RGS6: variants seen among roughly 807,000 people sequenced by gnomAD.
RGS6 encodes regulator of G protein signaling 6, also known as regulator of G-protein signaling 6.
RGS6 carries 30 observed loss-of-function variants against 78.5 expected under a neutral mutation model. That is an observed-to-expected ratio of 0.38 (90% confidence interval 0.29 to 0.52). The LOEUF (loss-of-function observed/expected upper bound fraction) is 0.52. RGS6 is among the 20% of genes least tolerant of loss of function. RGS6 has a pLI of 0.85. For missense variants in RGS6, 495 were observed against 609.7 expected, an observed-to-expected ratio of 0.81 and a Z score of 1.98; for synonymous variants, 206 against 206.0, an observed-to-expected ratio of 1.00 and a Z score of 0.00.
chr14:71,871,446 C>G, the RGS6 span, among the ~76,000 whole-genome samples: 16 of 152,302 alleles, frequency 1.1e-4, no homozygotes, highest in African/African-American at 2.6e-4. Context: ...AGGACCTTCT[C>G]TCCTCAGAAC....
chr14:72,387,759 C>T (rs756906466), intron 3 of RGS6, among the ~76,000 whole-genome samples: 7 of 152,142 alleles, frequency 4.6e-5, no homozygotes, highest in Admixed American at 6.5e-5. Flanking sequence ...CCAGCACTGC[C>T]GTAACAAGGT....
intron 3 of RGS6, among the ~76,000 whole-genome samples, chr14:72,418,590 TGAGCAGGC>T (rs750533751): frequency 7.9e-4 from 121 of 152,362 alleles, no homozygotes; most frequent in Non-Finnish European, 1.5e-3. Context: ...AGATACAGGC[TGAGCAGGC>T]CCAATGATGG....
chr14:72,348,995 T>C (rs2152723862), intron 2 of RGS6, among the ~76,000 whole-genome samples: 1 of 152,160 alleles, frequency 6.6e-6, no homozygotes, highest in East Asian at 1.9e-4. Flanking sequence ...TGAAACCCTG[T>C]CTCTACTAAA....
At chr14:72,322,736 A>C (rs1248744076) in intron 2 of RGS6, among the ~76,000 whole-genome samples, 1 of 152,156 alleles carries the variant, frequency 6.6e-6, no homozygotes, top group East Asian at 1.9e-4. Flanking sequence ...AGACTATTTC[A>C]AAATTCACAA....
intron 2 of RGS6, among the ~76,000 whole-genome samples, chr14:72,335,530 G>T (rs2075868073): frequency 6.6e-6 from 1 of 152,184 alleles, no homozygotes; most frequent in Admixed American, 6.5e-5. Flanking sequence ...GCTTGGCCGT[G>T]ACAGCCTGTC....
At chr14:72,018,750 C>A (rs115331574) in intron 2 of RGS6, among the ~76,000 whole-genome samples, 5,103 of 152,216 alleles carry the variant, frequency 0.034, 269 homozygotes, top group African/African-American at 0.12. Flanking sequence ...AATGCCTACT[C>A]CCCCTGGACC....
At chr14:71,877,489 G>A in the RGS6 span, among the ~76,000 whole-genome samples, 1,591 of 152,256 alleles carry the variant, frequency 0.01, 59 homozygotes, top group Admixed American at 0.076. Context: ...GCTTGTGCAT[G>A]CATCATGTAG....
chr14:72,098,987 A>T (rs890400650), intron 2 of RGS6, among the ~76,000 whole-genome samples: 1 of 152,232 alleles, frequency 6.6e-6, no homozygotes. Flanking sequence ...GTCTCTGTCC[A>T]TGCATCCTTA....
At chr14:71,952,887 A>G (rs2092457413) in intron 1 of RGS6, among the ~76,000 whole-genome samples, 1 of 152,178 alleles carries the variant, frequency 6.6e-6, no homozygotes. Context: ...GAAAAAGCCA[A>G]TAGGAGTGCT....
At chr14:72,312,340 A>G (rs926814266) in intron 2 of RGS6, among the ~76,000 whole-genome samples, 2 of 150,472 alleles carry the variant, frequency 1.3e-5, no homozygotes, top group African/African-American at 2.5e-5. Flanking sequence ...ATGCAGTTCT[A>G]TTATTGCTCA....
chr14:72,387,552 C>CA (rs754762069), intron 3 of RGS6, among the ~76,000 whole-genome samples: 7,845 of 103,154 alleles, frequency 0.076, 223 homozygotes, highest in Middle Eastern at 0.11. Flanking sequence ...CCATCTCAAA[C>CA]AAAAAAAAAA....
At chr14:72,468,612 A>C (rs2095989129) in intron 7 of RGS6, among the ~76,000 whole-genome samples, 1 of 152,188 alleles carries the variant, frequency 6.6e-6, no homozygotes, top group South Asian at 2.1e-4. Flanking sequence ...TTTCTTTACA[A>C]AACTATATCA....
At chr14:72,028,493 A>C (rs879899125) in intron 2 of RGS6, among the ~76,000 whole-genome samples, 34 of 152,228 alleles carry the variant, frequency 2.2e-4, no homozygotes, top group Admixed American at 1.3e-4. Flanking sequence ...AGTGACTCTT[A>C]CATCTTTTCT....
chr14:72,351,349 G>A (rs1566598578), intron 2 of RGS6, among the ~76,000 whole-genome samples: 1 of 152,028 alleles, frequency 6.6e-6, no homozygotes, highest in Non-Finnish European at 1.5e-5. Flanking sequence ...TTCCGGTTTA[G>A]GCACCTACAC....
At chr14:71,985,410 C>T (rs1201713175) in intron 2 of RGS6, among the ~76,000 whole-genome samples, 2 of 152,194 alleles carry the variant, frequency 1.3e-5, no homozygotes, top group Non-Finnish European at 2.9e-5. Context: ...CTGTGAGCCA[C>T]CGCACCTGGC....
chr14:72,344,371 A>G lies in RGS6; in HGVS notation c.85-7724A>G, dbSNP rs142432298. ...ACGTTGGGGAACTGGCTCCCCACTC[A>G]ACTGGTACTTGGATGCCTTTGGAGC... On this transcript the variant is annotated intron_variant, in intron 2 of 17. Transcript: ENST00000553525. Among the ~76,000 whole-genome samples the G allele has an allele frequency of 7.8e-3, 1,194 of 152,290 alleles. 19 individuals carry two copies. Among genetic ancestry groups the G allele is most frequent in the African/African-American group, 0.026 (1,098 of 41,566 alleles).
At chr14:72,158,871 G>A (rs1332588591) in intron 2 of RGS6, among the ~76,000 whole-genome samples, 3 of 145,746 alleles carry the variant, frequency 2.1e-5, no homozygotes, top group African/African-American at 7.5e-5. Context: ...AGAGCTTTCT[G>A]CCTGGGTTGA....
At chr14:72,022,977 A>T (rs1490678897) in intron 2 of RGS6, among the ~76,000 whole-genome samples, 1 of 151,114 alleles carries the variant, frequency 6.6e-6, no homozygotes, top group Non-Finnish European at 1.5e-5. Context: ...CCCAGCTCAG[A>T]CTCCACCTCC....
chr14:72,141,112 A>G (rs1598287050), intron 2 of RGS6, among the ~76,000 whole-genome samples: 2 of 152,226 alleles, frequency 1.3e-5, no homozygotes, highest in Non-Finnish European at 2.9e-5. Context: ...TTAAGTAGGC[A>G]TCCAGAGACT....
Sources: allele counts gnomAD v4.1 joint callset (sites outside exome capture counted in the v4.1 genomes callset), GRCh38; gene constraint gnomAD v4.1.1; transcripts MANE v1.5; gene names NCBI Gene and HGNC (gene_info 2026-07-23, HGNC 2026-07-21).